Variants in AGBL2 observed in about 807,000 individuals in gnomAD.
The protein encoded by AGBL2 is AGBL carboxypeptidase 2, also known as cytosolic carboxypeptidase 2.
Under a neutral mutation model 103.0 loss-of-function variants are expected in AGBL2, and 87 were observed. That is an observed-to-expected ratio of 0.84 (90% CI 0.71 to 1.01). The LOEUF (loss-of-function observed/expected upper bound fraction) is 1.01, where lower values mean the gene tolerates loss of function less well. Ranked by LOEUF, AGBL2 falls within the 50% of genes least tolerant of loss-of-function variation. The probability of loss-of-function intolerance (pLI) is 0.00; values close to 1 mark genes in which losing one functional copy is unlikely to be tolerated. For missense variants in AGBL2, 904 were observed against 1,023.5 expected, an observed-to-expected ratio of 0.88 and a Z score of 1.59; for synonymous variants, 335 against 356.7, an observed-to-expected ratio of 0.94 and a Z score of 0.69.
At chr11:47,675,892 G>C (rs890935946) in intron 14 of AGBL2, among the ~76,000 whole-genome samples, 1 of 152,036 alleles carries the variant, frequency 6.6e-6, no homozygotes, top group Non-Finnish European at 1.5e-5. Flanking sequence ...TGTAGTCCCA[G>C]CTACTTGGGG....
Position 47,690,081 on chromosome 11 carries a change from G to T in AGBL2, c.1626C>A (p.Ile542=). 3 of 1,601,124 alleles carry T rather than the reference G, an allele frequency of 1.9e-6. No homozygotes were observed. The South Asian group carries it at 3.4e-5, about 18-fold the overall frequency. ...CAACAGATAAAAAGTCTCACCTTTTGATCATGTTCCTGGTGTACCAAATAC... is the reference window on the plus strand; with the variant it reads ...CAACAGATAAAAAGTCTCACCTTTTTATCATGTTCCTGGTGTACCAAATAC... The part of the protein sequence containing the change: ...FPCIWYTRNM[I]KRLLEEREVL... The change falls in exon 10 of 19, where the codon ATC becomes ATA. Residue 542 remains isoleucine, a synonymous_variant. Transcript: ENST00000525123.
intron 9 of AGBL2, among the ~76,000 whole-genome samples, 161 bp downstream of exon 9, chr11:47,691,942 T>C (rs2097449153): frequency 6.6e-6 from 1 of 151,098 alleles, no homozygotes; most frequent in Admixed American, 6.6e-5. Flanking sequence ...ACATTTTATT[T>C]TGGGGAAAAA....
At chr11:47,695,275 G>A (rs186439506) in intron 8 of AGBL2, among the ~76,000 whole-genome samples, 1 of 152,218 alleles carries the variant, frequency 6.6e-6, no homozygotes, top group East Asian at 1.9e-4. Flanking sequence ...AGGAGTTAGA[G>A]ACCAGCCTGG....
intron 10 of AGBL2, among the ~76,000 whole-genome samples, chr11:47,688,951 G>C (rs2097434552): frequency 6.6e-6 from 1 of 152,062 alleles, no homozygotes; most frequent in South Asian, 2.1e-4. Flanking sequence ...GGCCAGGCTG[G>C]TCTCAAACTC....
intron 3 of AGBL2, among the ~76,000 whole-genome samples, chr11:47,711,827 G>T (rs1053443210): frequency 2.0e-5 from 3 of 152,158 alleles, no homozygotes; most frequent in African/African-American, 7.2e-5. Flanking sequence ...GAGCCACCAC[G>T]CCCGGCCTGA....
chr11:47,714,335 G>A lies in AGBL2; in HGVS notation c.46C>T (p.Pro16Ser). The A allele has an allele frequency of 6.2e-7, 1 of 1,612,358 alleles. No homozygotes were observed. Among genetic ancestry groups the A allele is most frequent in the Non-Finnish European group, 8.5e-7 (1 of 1,179,262 alleles). Residue 16 changes from proline (P) to serine (S), a missense_variant, in exon 3 of 19, where the codon CCT (proline) becomes TCT (serine). Transcript: ENST00000525123. The part of the protein sequence containing the change: ...ETHLKQTIPD[P>S]YEDFMYRHLQ... ...TGACGGTACATAAAGTCTTCATAAG[G>A]ATCAGGAATAGTCTGTGAAAGGAAA... is the stretch of plus-strand genomic sequence containing the variant.
intron 4 of AGBL2, among the ~76,000 whole-genome samples, chr11:47,707,154 G>A (rs538563733): frequency 8.5e-5 from 13 of 152,124 alleles, no homozygotes; most frequent in Admixed American, 6.6e-4. Context: ...AGCAGAGATC[G>A]TGCCTTTCTA....
chr11:47,686,160 G>GA (rs2097422791), intron 10 of AGBL2, 111 bp from the exon 11 acceptor site: 1 of 1,145,446 alleles, frequency 8.7e-7, no homozygotes, highest in African/African-American at 1.6e-5. Flanking sequence ...TCCCTCCTAA[G>GA]AAAATCTCAA....
At chr11:47,705,751 G>T in intron 5 of AGBL2, 113 bp downstream of exon 5, 2 of 927,962 alleles carry the variant, frequency 2.2e-6, no homozygotes, top group Non-Finnish European at 1.8e-6. Flanking sequence ...TGCTCATCAG[G>T]CATGAATCCC....
At chr11:47,663,220 G>T in intron 17 of AGBL2, 108 bp from the exon 18 acceptor site, 1 of 705,934 alleles carries the variant, frequency 1.4e-6, no homozygotes, top group Non-Finnish European at 2.3e-6. Context: ...GATTCATTGT[G>T]ATATTCCCAC....
In AGBL2 at chr11:47,668,208, C is replaced by CAAA. The variant is rs34571219; in HGVS notation, c.2215-515_2215-513dup. On this transcript the variant is annotated intron_variant, in intron 15 of 18. Coordinates refer to ENST00000525123, the MANE Select transcript of AGBL2 (RefSeq NM_024783.4). ...TAGGCGACAGAGTGAGACTCCATCT[C>CAAA]AAAAAAAAAAAAAAAAAAGGCCCAG... Among the ~76,000 whole-genome samples, 14 of 95,098 alleles carry CAAA rather than the reference C, an allele frequency of 1.5e-4. 1 individual carries two copies. Among genetic ancestry groups the CAAA allele is most frequent in the East Asian group, 2.9e-4 (1 of 3,392 alleles). The allele number at this position is 95,098 out of a possible 152,430, so 62.4% of individuals were successfully genotyped here.
At chr11:47,688,896 C>T (rs1206126818) in intron 10 of AGBL2, among the ~76,000 whole-genome samples, 3 of 151,714 alleles carry the variant, frequency 2.0e-5, no homozygotes, top group African/African-American at 4.8e-5. Flanking sequence ...CCATCATGCC[C>T]GGCTAATTTT....
rs1554968232 is a variant in AGBL2, at chr11:47,706,890, C to CATA, written c.233-974_233-973insTAT. On this transcript the variant is annotated intron_variant, in intron 4 of 18. Transcript: ENST00000525123. ...ATGGTGAAACCCTGTCTCTACTATT[C>CATA]CAAAAAAAAAAAAAAAAAAAAAAGA... 2.9e-3 allele frequency among the ~76,000 whole-genome samples: 155 copies of CATA among 53,230 alleles called. 20 individuals carry two copies. Among genetic ancestry groups the CATA allele is most frequent in the East Asian group, 0.026 (52 of 2,004 alleles). The allele number at this position is 53,230 out of a possible 152,430, so 34.9% of individuals were successfully genotyped here. A position where few individuals can be genotyped will look rare whatever the true frequency, so the allele number is the denominator to read the frequency against.
chr11:47,682,005 A>G lies in AGBL2; in HGVS notation c.1879T>C (p.Tyr627His). 1 of 1,614,158 alleles carries G rather than the reference A, an allele frequency of 6.2e-7. No individual in the cohort carries two copies. Among genetic ancestry groups the G allele is most frequent in the Non-Finnish European group, 8.5e-7 (1 of 1,180,024 alleles). The change falls in exon 12 of 19, where the codon TAC becomes CAC. Residue 627 changes from tyrosine (Y) to histidine (H), a missense_variant. Physicochemically the swap from Tyr to His is moderately conservative, Grantham distance 83 (BLOSUM62 2). Coordinates refer to ENST00000525123, the MANE Select transcript of AGBL2 (RefSeq NM_024783.4). The part of the protein sequence containing the change: ...VMWRMGILNS[Y>H]TMESTFGGST... ...CCGCCAAAGGTAGACTCCATGGTGT[A>G]GCTGTTTAGGATTCCCATCCGCCAC...
At chr11:47,683,820 C>T (rs1365926107) in intron 11 of AGBL2, among the ~76,000 whole-genome samples, 2 of 151,028 alleles carry the variant, frequency 1.3e-5, no homozygotes, top group Non-Finnish European at 2.9e-5. Flanking sequence ...CAGTGGCTCA[C>T]ACCTGTAATC....
intron 10 of AGBL2, among the ~76,000 whole-genome samples, chr11:47,688,433 G>C (rs1330727472): frequency 6.6e-6 from 1 of 152,090 alleles, no homozygotes; most frequent in East Asian, 1.9e-4. Flanking sequence ...AGAAAGCCTT[G>C]ATTCCTGACT....
rs552886364 is a variant in AGBL2, at chr11:47,706,526, T to A, written c.233-609A>T. Among the ~76,000 whole-genome samples the A allele has an allele frequency of 1.3e-4, 20 of 151,110 alleles. No individual in the cohort carries two copies. The Middle Eastern group carries it at 0.014, about 103-fold the overall frequency. On this transcript the variant is annotated intron_variant, in intron 4 of 18. Transcript: ENST00000525123. ...GCAAGACTCCGTCTCAAAAAAAAAATAAATAAAAATAAAAATAAATAATTG... is the reference window on the plus strand; with the variant it reads ...GCAAGACTCCGTCTCAAAAAAAAAAAAAATAAAAATAAAAATAAATAATTG...
At chr11:47,689,336 ACT>A (rs2097436071) in intron 10 of AGBL2, among the ~76,000 whole-genome samples, 1 of 125,484 alleles carries the variant, frequency 8.0e-6, no homozygotes, top group Non-Finnish European at 1.6e-5. Flanking sequence ...ATGGAGTCTC[ACT>A]CTGCCACCCA....
intron 3 of AGBL2, among the ~76,000 whole-genome samples, chr11:47,712,265 C>A (rs940556382): frequency 6.6e-6 from 1 of 151,864 alleles, no homozygotes; most frequent in Non-Finnish European, 1.5e-5. Flanking sequence ...GGCCTTGGAA[C>A]CTCCCCCCTG....
Sources: allele counts gnomAD v4.1 joint callset (sites outside exome capture counted in the v4.1 genomes callset), GRCh38; gene constraint gnomAD v4.1.1; transcripts MANE v1.5; gene names NCBI Gene and HGNC (gene_info 2026-07-23, HGNC 2026-07-21).